KIAA1549L: variants seen among roughly 807,000 people sequenced by gnomAD.
The protein encoded by KIAA1549L is UPF0606 protein KIAA1549L.
Under a neutral mutation model 160.7 loss-of-function variants are expected in KIAA1549L, and 88 were observed. The observed-to-expected ratio is 0.55, with a 90% CI of 0.46 to 0.65. The LOEUF (loss-of-function observed/expected upper bound fraction) is 0.65, where lower values mean the gene tolerates loss of function less well. KIAA1549L is among the 30% of genes least tolerant of loss of function. The pLI is 0.00. For missense variants in KIAA1549L, 2,258 were observed against 2,437.5 expected (o/e 0.93, Z 1.55); for synonymous variants, 950 against 976.7 (o/e 0.97, Z 0.51).
chr11:33,614,531 GATATATATATATATAT>G (rs780446812), intron 15 of KIAA1549L, among the ~76,000 whole-genome samples: 469 of 27,098 alleles, frequency 0.017, 86 homozygotes, highest in East Asian at 0.033. Context: ...AGTGTAACAA[GATATATATATATATAT>G]ATATATATAT....
rs562499392 is a variant in KIAA1549L, at chr11:33,607,553, TTTACA to T, written c.5061+738_5061+742del. Among the ~76,000 whole-genome samples the T allele has an allele frequency of 4.0e-4, 61 of 152,340 alleles. No homozygotes were observed. The East Asian group carries it at 8.1e-3, about 20-fold the overall frequency. On this transcript the variant is annotated intron_variant, in intron 14 of 20. Coordinates refer to ENST00000658780, the MANE Select transcript of KIAA1549L (RefSeq NM_012194.3). Reference sequence around the variant, plus strand: ...TGCATTTGGACCCTACATGTGAACATTTACATTACATGTGTGCCCAAGCATGTACA... The same window carrying T: ...TGCATTTGGACCCTACATGTGAACATTTACATGTGTGCCCAAGCATGTACA...
chr11:33,641,129 A>G (rs1053954720), intron 16 of KIAA1549L, among the ~76,000 whole-genome samples: 7 of 152,250 alleles, frequency 4.6e-5, no homozygotes, highest in Non-Finnish European at 8.8e-5. Flanking sequence ...CAGAGCTCCG[A>G]GAGACTGAGT....
chr11:33,547,926 C>T lies in KIAA1549L; in HGVS notation c.3501+47C>T, dbSNP rs766225685. On this transcript the variant is annotated intron_variant, in intron 4 of 20. Coordinates refer to ENST00000658780, the MANE Select transcript of KIAA1549L (RefSeq NM_012194.3). Reference sequence around the variant, plus strand: ...CAAGCTAATCCATCACAGTCTGGCTCTTGGGTCTAGAATATGTTTAGATTG... The same window carrying T: ...CAAGCTAATCCATCACAGTCTGGCTTTTGGGTCTAGAATATGTTTAGATTG... 3 of 1,216,732 alleles carry T rather than the reference C, an allele frequency of 2.5e-6. 1 individual carries two copies. The highest frequency in any genetic ancestry group is 2.5e-5 in the South Asian group (2 of 79,126). 75.4% of individuals were successfully genotyped at this position (1,216,732 alleles called of 1,614,324 possible).
rs1315195936 is a variant in KIAA1549L at position 33,542,738 on chromosome 11, G to A, written c.1175G>A (p.Gly392Glu). The A allele has an allele frequency of 6.2e-7, 1 of 1,613,954 alleles. No individual in the cohort carries two copies. Among genetic ancestry groups the A allele is most frequent in the East Asian group, 2.2e-5 (1 of 44,854 alleles). Reference protein sequence around the residue: ...GPASTQQIKAGVPGRVHNGVS... With the variant: ...GPASTQQIKAEVPGRVHNGVS... ...GCATCCACCCAGCAGATCAAAGCTG[G>A]GGTGCCTGGAAGAGTGCACAATGGG... Residue 392 changes from glycine (G) to glutamate (E), a missense_variant, in exon 2 of 21, where the codon GGG becomes GAG. Around this residue, in one of 6 missense-constraint regions of KIAA1549L, gnomAD observed 540 missense variants for 465.7 expected, o/e 1.16. Transcript: ENST00000658780.
chr11:33,571,094 C>A (rs1173715627), intron 9 of KIAA1549L, among the ~76,000 whole-genome samples: 2 of 152,174 alleles, frequency 1.3e-5, no homozygotes, highest in Non-Finnish European at 2.9e-5. Flanking sequence ...ACCATTCTGG[C>A]TAACATGGTG....
chr11:33,433,383 C>T lies in KIAA1549L; in HGVS notation c.238+56494C>T, dbSNP rs138876520. On this transcript the variant is annotated intron_variant, in intron 1 of 20. Transcript: ENST00000658780. ...TCATCAGAGAAATGCAAATCAAAAC[C>T]ACAATGAGATACCATCTCATGCCAG... 7.8e-3 allele frequency among the ~76,000 whole-genome samples: 1,185 copies of T among 152,244 alleles called. 70 individuals carry two copies. The highest frequency in any genetic ancestry group is 0.07 in the Admixed American group (1,077 of 15,300).
chr11:33,449,335 T>C (rs1211643944), intron 1 of KIAA1549L, among the ~76,000 whole-genome samples: 1 of 152,144 alleles, frequency 6.6e-6, no homozygotes, highest in African/African-American at 2.4e-5. Context: ...TAGTGTCTAT[T>C]ATGGTGGATT....
intron 1 of KIAA1549L, among the ~76,000 whole-genome samples, chr11:33,516,624 G>A (rs1853349513): frequency 1.3e-5 from 2 of 152,172 alleles, no homozygotes; most frequent in Admixed American, 1.3e-4. Context: ...ATTCTCTGAA[G>A]TTATGAGGGA....
chr11:33,465,480 T>C (rs1157426675), intron 1 of KIAA1549L, among the ~76,000 whole-genome samples: 2 of 152,178 alleles, frequency 1.3e-5, no homozygotes, highest in Admixed American at 1.3e-4. Flanking sequence ...GGAACACTTA[T>C]CACACAGTTT....
At chr11:33,394,173 A>G (rs1850323646) in intron 1 of KIAA1549L, among the ~76,000 whole-genome samples, 2 of 152,088 alleles carry the variant, frequency 1.3e-5, no homozygotes, top group Admixed American at 1.3e-4. Flanking sequence ...TGAAATTTGA[A>G]AGCAGCCTCG....
At chr11:33,599,499 A>G (rs1355604174) in intron 13 of KIAA1549L, 2 of 151,944 alleles carry the variant, frequency 1.3e-5, no homozygotes, top group Non-Finnish European at 2.9e-5. Flanking sequence ...GTCATCAAAA[A>G]AAAAAAAAAG....
intron 17 of KIAA1549L, among the ~76,000 whole-genome samples, chr11:33,650,061 G>A (rs930736658): frequency 2.0e-5 from 3 of 152,104 alleles, no homozygotes; most frequent in African/African-American, 7.2e-5. Flanking sequence ...TCCTCACCCG[G>A]AAGGAGAGGA....
At chr11:33,403,185 A>C (rs898707444) in intron 1 of KIAA1549L, 2 of 150,450 alleles carry the variant, frequency 1.3e-5, no homozygotes, top group Admixed American at 1.3e-4. Flanking sequence ...GCATACACAC[A>C]CACAGACATA....
At chr11:33,406,645 C>A (rs1459771658) in intron 1 of KIAA1549L, among the ~76,000 whole-genome samples, 1 of 152,256 alleles carries the variant, frequency 6.6e-6, no homozygotes, top group Non-Finnish European at 1.5e-5. Flanking sequence ...ATTTGCTCTC[C>A]ACTCTGCCCT....
intron 1 of KIAA1549L, among the ~76,000 whole-genome samples, chr11:33,521,552 G>T (rs1853494297): frequency 6.6e-6 from 1 of 152,324 alleles, no homozygotes; most frequent in African/African-American, 2.4e-5. Context: ...CAGGTACTCA[G>T]CAGGCTTATT....
intron 16 of KIAA1549L, among the ~76,000 whole-genome samples, chr11:33,644,082 C>G (rs1270538465): frequency 6.6e-6 from 1 of 152,178 alleles, no homozygotes; most frequent in Non-Finnish European, 1.5e-5. Context: ...ACATTCTACT[C>G]CAGAATCTGT....
At chr11:33,464,514 G>C (rs146967921) in intron 1 of KIAA1549L, among the ~76,000 whole-genome samples, 2 of 132,378 alleles carry the variant, frequency 1.5e-5, no homozygotes, top group Admixed American at 7.5e-5. Flanking sequence ...GTGTGTGTGC[G>C]TGCGCGCATG....
chr11:33,596,089 T>C (rs1365956697), intron 12 of KIAA1549L, among the ~76,000 whole-genome samples: 1 of 152,210 alleles, frequency 6.6e-6, no homozygotes, highest in Non-Finnish European at 1.5e-5. Flanking sequence ...TGATTAATCC[T>C]CAACCCGAGA....
intron 11 of KIAA1549L, among the ~76,000 whole-genome samples, chr11:33,588,090 T>C (rs1382511266): frequency 6.6e-6 from 1 of 152,238 alleles, no homozygotes; most frequent in African/African-American, 2.4e-5. Flanking sequence ...TTGCTTCATC[T>C]GTAAACTGGG....
Sources: gnomAD v4.1 joint callset for allele counts (sites outside exome capture counted in the v4.1 genomes callset) on GRCh38, gnomAD v4.1.1 for gene constraint, gnomAD v4.1.1 regional missense constraint, MANE v1.5 for transcripts, NCBI Gene and HGNC (gene_info 2026-07-23, HGNC 2026-07-21) for gene names.